Variants in CEP128 observed in about 807,000 individuals in gnomAD.
The protein encoded by CEP128 is centrosomal protein 128kDa.
Under a neutral mutation model 156.7 loss-of-function variants are expected in CEP128, and 132 were observed. The observed-to-expected ratio is 0.84, with a 90% CI of 0.73 to 0.97. The LOEUF (loss-of-function observed/expected upper bound fraction) is 0.97, where lower values mean the gene tolerates loss of function less well. Among genes scored for constraint, CEP128 ranks in the 50% least tolerant of loss-of-function variants. The pLI, the probability that CEP128 is intolerant of heterozygous loss-of-function variation, is 0.00. For synonymous variants in CEP128, 469 were observed against 448.9 expected (o/e 1.04, Z -0.57); for missense variants, 1,252 against 1,281.9 (o/e 0.98, Z 0.36).
Position 80,840,855 on chromosome 14 carries a change from AAGAAGACAT to A in CEP128, c.763-96_763-88del, listed in dbSNP as rs576821014. 306 of 791,350 alleles carry A rather than the reference AAGAAGACAT, an allele frequency of 3.9e-4. 2 individuals are homozygous for A. The African/African-American group carries it at 4.5e-3, about 12-fold the overall frequency. 49.0% of individuals were successfully genotyped at this position (791,350 alleles called of 1,614,324 possible). On this transcript the variant is annotated intron_variant, in intron 9 of 24. Transcript: ENST00000555265. ...TAGAATTTATTATGTATTAGGGCTG[AAGAAGACAT>A]GGATATGAGTTACACAAAATCTATA...
chr14:80,835,192 T>G (rs935310288), intron 12 of CEP128, among the ~76,000 whole-genome samples: 7 of 152,108 alleles, frequency 4.6e-5, no homozygotes, highest in African/African-American at 1.7e-4. Context: ...AGCACAAAAC[T>G]CCTCCCCAGA....
At chr14:80,831,093 T>G in intron 13 of CEP128, 50 bp downstream of exon 13, 66 of 1,505,366 alleles carry the variant, frequency 4.4e-5, no homozygotes, top group Non-Finnish European at 5.7e-5. Flanking sequence ...AGCAATTCCA[T>G]GAGATAAAAT....
intron 4 of CEP128, 58 bp from the exon 5 acceptor site, chr14:80,906,139 A>C: frequency 2.4e-6 from 3 of 1,275,174 alleles, no homozygotes; most frequent in Non-Finnish European, 3.1e-6. Flanking sequence ...TTCCAAATAC[A>C]AATAGACCAC....
At chr14:80,899,856 C>A in intron 7 of CEP128, 82 bp downstream of exon 7, 1 of 988,196 alleles carries the variant, frequency 1.0e-6, no homozygotes, top group African/African-American at 1.6e-5. Context: ...TTTTAAAAAT[C>A]TAGATAAATA....
chr14:80,779,762 C>T (rs1437148921), intron 15 of CEP128, among the ~76,000 whole-genome samples: 3 of 152,296 alleles, frequency 2.0e-5, no homozygotes, highest in East Asian at 3.9e-4. Flanking sequence ...CACACCAATG[C>T]GAAGCTTGAC....
intron 12 of CEP128, among the ~76,000 whole-genome samples, chr14:80,835,105 C>T (rs1287280498): frequency 6.6e-6 from 1 of 152,032 alleles, no homozygotes; most frequent in Non-Finnish European, 1.5e-5. Context: ...TGTCAGAACG[C>T]CAGGACATCC....
At chr14:80,696,786 T>C (rs1896906667) in intron 19 of CEP128, among the ~76,000 whole-genome samples, 2 of 152,140 alleles carry the variant, frequency 1.3e-5, no homozygotes, top group South Asian at 4.2e-4. Flanking sequence ...AAACAAAAAA[T>C]GGTGATCAAG....
intron 11 of CEP128, among the ~76,000 whole-genome samples, chr14:80,836,986 G>T (rs1886109497): frequency 6.6e-6 from 1 of 152,292 alleles, no homozygotes; most frequent in South Asian, 2.1e-4. Flanking sequence ...TTATAAGTTA[G>T]AGTTCCAAAC....
chr14:80,493,532 C>G (rs1445268735), downstream of CEP128, among the ~76,000 whole-genome samples: 1 of 152,146 alleles, frequency 6.6e-6, no homozygotes, highest in Non-Finnish European at 1.5e-5. Context: ...GGGCTTTGCA[C>G]CCACGTTAGA....
chr14:80,760,482 G>A (rs1225428099), intron 17 of CEP128, among the ~76,000 whole-genome samples: 1 of 151,960 alleles, frequency 6.6e-6, no homozygotes, highest in Non-Finnish European at 1.5e-5. Context: ...GTATGAGAAA[G>A]GAAGGTCATT....
chr14:80,646,086 T>C (rs970315741), intron 19 of CEP128, among the ~76,000 whole-genome samples: 3 of 152,160 alleles, frequency 2.0e-5, no homozygotes, highest in African/African-American at 4.8e-5. Flanking sequence ...ACAGGATTTT[T>C]AGGGCAGTGA....
intron 9 of CEP128, among the ~76,000 whole-genome samples, chr14:80,853,608 A>T (rs1379375418): frequency 2.0e-5 from 3 of 152,062 alleles, no homozygotes; most frequent in African/African-American, 7.2e-5. Flanking sequence ...TTATACAGAC[A>T]ATTATAAAAC....
At chr14:80,486,537 C>T (rs1383998003), downstream of CEP128, among the ~76,000 whole-genome samples, 1 of 151,702 alleles carries the variant, frequency 6.6e-6, no homozygotes, top group Non-Finnish European at 1.5e-5. Context: ...AGATACTTCT[C>T]GAGAAGAGCA....
At chr14:80,816,960 TAA>T (rs34406388) in intron 13 of CEP128, among the ~76,000 whole-genome samples, 3,591 of 144,282 alleles carry the variant, frequency 0.025, 46 homozygotes, top group Middle Eastern at 0.068. Flanking sequence ...CGTTATTGTT[TAA>T]AAAAAAAAAA....
At chr14:80,861,104 C>T (rs753332251) in intron 9 of CEP128, among the ~76,000 whole-genome samples, 13 of 151,860 alleles carry the variant, frequency 8.6e-5, no homozygotes, top group Non-Finnish European at 1.5e-4. Flanking sequence ...AAAGTTCTTT[C>T]TTACAGTAGG....
At position 80,497,519 on chromosome 14, in the gene CEP128, C is replaced by G. The variant is rs138149272; in HGVS notation, c.3245G>C (p.Gly1082Ala). 1 of 1,613,276 alleles carries G rather than the reference C, an allele frequency of 6.2e-7. No homozygotes were observed. The highest frequency in any genetic ancestry group is 1.3e-5 in the African/African-American group (1 of 74,988). ...ASNKEDATMN[G>A]TSSQPKKEEY... ...CTCTTTTTTGGGTTGTGAACTTGTTCCATTCATTGTGGCATCTTCCTTGTT... is the reference window on the plus strand; with the variant it reads ...CTCTTTTTTGGGTTGTGAACTTGTTGCATTCATTGTGGCATCTTCCTTGTT... Residue 1082 changes from glycine to alanine, a missense_variant, in exon 25 of 25, where the codon GGA becomes GCA. By Grantham distance (60) the Gly-to-Ala change is moderately conservative. Coordinates refer to ENST00000555265, the MANE Select transcript of CEP128 (RefSeq NM_152446.5).
At position 80,792,974 on chromosome 14, in the gene CEP128, C is replaced by T. The variant is rs200135744; in HGVS notation, c.1346G>A (p.Arg449His). 8 of 1,614,054 alleles carry T rather than the reference C, an allele frequency of 5.0e-6. No individual in the cohort carries two copies. Among genetic ancestry groups the T allele is most frequent in the East Asian group, 4.5e-5 (2 of 44,892 alleles). Residue 449 changes from arginine (R) to histidine (H), a missense_variant, in exon 14 of 25, where the codon CGC becomes CAC. Transcript: ENST00000555265. Reference sequence around the variant, plus strand: ...CTGCTTGGTTGCATCCTCCGCATGGCGAGTCAGCTCTGAGATCTGAAGGTC... The same window carrying T: ...CTGCTTGGTTGCATCCTCCGCATGGTGAGTCAGCTCTGAGATCTGAAGGTC... Reference protein sequence around the residue: ...HADLQISELTRHAEDATKQAE... With the variant: ...HADLQISELTHHAEDATKQAE...
At chr14:80,879,832 T>A (rs922167915) in intron 8 of CEP128, among the ~76,000 whole-genome samples, 15 of 111,580 alleles carry the variant, frequency 1.3e-4, no homozygotes, top group African/African-American at 5.2e-4. Flanking sequence ...GAAGCTCAAA[T>A]GTTCCCAGAT....
At chr14:80,570,480 T>C (rs980250988) in intron 20 of CEP128, among the ~76,000 whole-genome samples, 9 of 152,122 alleles carry the variant, frequency 5.9e-5, no homozygotes, top group Non-Finnish European at 1.5e-5. Context: ...ATTTCACTCA[T>C]TTAAAGCCAG....
Sources: gnomAD v4.1 joint callset for allele counts (sites outside exome capture counted in the v4.1 genomes callset) on GRCh38, gnomAD v4.1.1 for gene constraint, MANE v1.5 for transcripts, NCBI Gene and HGNC (gene_info 2026-07-23, HGNC 2026-07-21) for gene names.